Variants in TMEM204 observed in about 807,000 individuals in gnomAD.
TMEM204 encodes claudin-like protein 24.
Under a neutral mutation model 19.4 loss-of-function variants are expected in TMEM204, and 15 were observed. The observed-to-expected ratio is 0.77, with a 90% CI of 0.52 to 1.19. The LOEUF (loss-of-function observed/expected upper bound fraction) is 1.19. Ranked by LOEUF, TMEM204 falls within the 50% of genes most tolerant of loss-of-function variation. The pLI, the probability that TMEM204 is intolerant of heterozygous loss-of-function variation, is 0.00. For missense variants in TMEM204, 287 were observed against 321.2 expected (o/e 0.89, Z 0.81); for synonymous variants, 161 against 146.0 (o/e 1.10, Z -0.74).
At position 1,541,931 on chromosome 16, in the gene TMEM204, C is replaced by T; in HGVS notation, c.291C>T (p.Asp97=). The change falls in exon 2 of 3, where the codon GAC becomes GAT. Residue 97 remains aspartate (D), a synonymous_variant. Coordinates refer to ENST00000566264, the MANE Select transcript of TMEM204 (RefSeq NM_024600.6). ...GCTCTTGGCCCACAGTGCAGTTCGA[C>T]ATGATGCGCGCCTGCAACCTGGTGG... The part of the protein sequence containing the change: ...ESRGTVKLQF[D]MMRACNLVAT... 1 of 1,603,366 alleles carries T rather than the reference C, an allele frequency of 6.2e-7. No homozygotes were observed. Among genetic ancestry groups the T allele is most frequent in the East Asian group, 2.2e-5 (1 of 44,712 alleles).
Position 1,551,202 on chromosome 16 carries a change from G to A in TMEM204, c.437-3580G>A, listed in dbSNP as rs2032605013. On this transcript the variant is annotated intron_variant, in intron 2 of 2. Coordinates refer to ENST00000566264, the MANE Select transcript of TMEM204 (RefSeq NM_024600.6). The surrounding 1 kb of genome is among the most constrained non-coding windows in gnomAD (Gnocchi z 4.0). ...GAAGCTGTGGTCAATGGTGGGGCAA[G>A]TTCTGGCCCCGGGGAGCCTGCCCTG... is the stretch of plus-strand genomic sequence containing the variant. 6.6e-6 allele frequency among the ~76,000 whole-genome samples: 1 copy of A among 152,268 alleles called. No individual in the cohort carries two copies. Among genetic ancestry groups the A allele is most frequent in the Non-Finnish European group, 1.5e-5 (1 of 68,050 alleles).
chr16:1,554,763 A>G lies in TMEM204; in HGVS notation c.437-19A>G. ...CCTTCCTCTCAGACAAGGCCTCTCA[A>G]CCCTTCTCTCATCTGCAGGTTTTGT... is the stretch of plus-strand genomic sequence containing the variant. On this transcript the variant is annotated intron_variant, in intron 2 of 2. Coordinates refer to ENST00000566264, the MANE Select transcript of TMEM204 (RefSeq NM_024600.6). 6.2e-7 allele frequency: 1 copy of G among 1,613,056 alleles called. No homozygotes were observed. The highest frequency in any genetic ancestry group is 8.5e-7 in the Non-Finnish European group (1 of 1,179,262).
chr16:1,538,424 C>A (rs1465629772), intron 1 of TMEM204, among the ~76,000 whole-genome samples: 1 of 152,226 alleles, frequency 6.6e-6, no homozygotes, highest in Admixed American at 6.5e-5. Context: ...ACCACAACTA[C>A]ACGTGCAGCT....
chr16:1,541,558 G>A (rs2031637030), intron 1 of TMEM204: 1 of 959,868 alleles, frequency 1.0e-6, no homozygotes, highest in African/African-American at 1.8e-5. Context: ...TTGCTGGTGG[G>A]CTTCCCCTTC....
In TMEM204 at chr16:1,540,947, C is replaced by T. The variant is rs960386822; in HGVS notation, c.281-974C>T. The T allele has an allele frequency of 1.5e-5, 15 of 985,318 alleles. No homozygotes were observed. The African/African-American group carries it at 2.3e-4, about 15-fold the overall frequency. 61.0% of individuals were successfully genotyped at this position (985,318 alleles called of 1,614,324 possible). A position where few individuals can be genotyped will look rare whatever the true frequency, so the allele number is the denominator to read the frequency against. Reference sequence around the variant, plus strand: ...CACACATTGTCTGCTCTGCAGCGTGCAGGGGCCTGGGAACACACTGCTTCA... The same window carrying T: ...CACACATTGTCTGCTCTGCAGCGTGTAGGGGCCTGGGAACACACTGCTTCA... On this transcript the variant is annotated intron_variant, in intron 1 of 2. Coordinates refer to ENST00000566264, the MANE Select transcript of TMEM204 (RefSeq NM_024600.6).
At chr16:1,530,133 C>CTTTT (rs922819138), upstream of TMEM204, among the ~76,000 whole-genome samples, 33 of 88,578 alleles carry the variant, frequency 3.7e-4, no homozygotes, top group East Asian at 1.0e-3. Context: ...CGACGGGAAT[C>CTTTT]TTTTTTTTTT....
At chr16:1,552,013 A>AC (rs914732486) in intron 2 of TMEM204, among the ~76,000 whole-genome samples, 1 of 151,746 alleles carries the variant, frequency 6.6e-6, no homozygotes, top group African/African-American at 2.4e-5. Flanking sequence ...GTGGAAACTG[A>AC]CCCCCACGGC....
chr16:1,533,522 T>TA (rs1275096417), upstream of TMEM204: 1 of 152,268 alleles, frequency 6.6e-6, no homozygotes, highest in Admixed American at 6.5e-5. This position sits in a 1 kb window ranked among gnomAD's most constrained non-coding sequence, Gnocchi z 4.7. Context: ...CGGCAGGAGG[T>TA]GGGCCTGGAG....
chr16:1,531,586 C>T (rs776572027), upstream of TMEM204: 1 of 152,274 alleles, frequency 6.6e-6, no homozygotes, highest in East Asian at 1.9e-4. The surrounding 1 kb of genome is among the most constrained non-coding windows in gnomAD (Gnocchi z 4.7). Context: ...GCTGCGAGTC[C>T]CCTTACTGGG....
intron 2 of TMEM204, among the ~76,000 whole-genome samples, chr16:1,550,367 G>A (rs1173658878): frequency 1.3e-5 from 2 of 152,184 alleles, no homozygotes; most frequent in East Asian, 1.9e-4. Context: ...TAGAATGGTC[G>A]ACCCATTCTA....
intron 1 of TMEM204, among the ~76,000 whole-genome samples, chr16:1,537,066 T>C (rs12923143): frequency 0.013 from 2,032 of 152,330 alleles, 19 homozygotes; most frequent in Non-Finnish European, 0.022. Context: ...CCTTGGCCAG[T>C]GTTCCTTGTA....
In TMEM204 at chr16:1,534,111, G is replaced by A. The variant is rs1374626066; in HGVS notation, c.-165G>A. Reference sequence around the variant, plus strand: ...GCAGGAAGGAGGATAAGGCCGGGCCGAGAGGCGGCACACCTGGACCATCCC... The same window carrying A: ...GCAGGAAGGAGGATAAGGCCGGGCCAAGAGGCGGCACACCTGGACCATCCC... On this transcript the variant is annotated 5_prime_UTR_variant, in exon 1 of 3. Transcript: ENST00000566264. The A allele has an allele frequency of 1.7e-5, 14 of 815,538 alleles. No homozygotes were observed. The highest frequency in any genetic ancestry group is 3.0e-5 in the East Asian group (1 of 33,768). 50.5% of individuals were successfully genotyped at this position (815,538 alleles called of 1,614,324 possible).
intron 2 of TMEM204, among the ~76,000 whole-genome samples, chr16:1,544,883 T>C (rs377188069): frequency 2.0e-3 from 305 of 149,260 alleles, no homozygotes; most frequent in Non-Finnish European, 3.1e-3. Flanking sequence ...CTCCTGACCT[T>C]GTGATCCGCC....
chr16:1,541,333 C>T (rs2031615229), intron 1 of TMEM204: 3 of 985,150 alleles, frequency 3.0e-6, no homozygotes, highest in South Asian at 4.7e-5. Context: ...CCCTGCTCAG[C>T]CCCTTGCTGG....
upstream of TMEM204, chr16:1,532,177 G>A (rs955633477): frequency 6.6e-6 from 1 of 152,278 alleles, no homozygotes; most frequent in Admixed American, 6.5e-5. Context: ...GGAGAGTGGG[G>A]GCCGGCAGCA....
At chr16:1,537,598 T>C (rs2031201738) in intron 1 of TMEM204, among the ~76,000 whole-genome samples, 1 of 152,212 alleles carries the variant, frequency 6.6e-6, no homozygotes, top group African/African-American at 2.4e-5. Flanking sequence ...GCTCTTTCCC[T>C]GTGAGGAGCT....
rs187738639 is a variant in TMEM204 at position 1,548,270 on chromosome 16, G to A, written c.436+6194G>A. Among the ~76,000 whole-genome samples the A allele has an allele frequency of 3.2e-3, 481 of 152,346 alleles. 3 individuals are homozygous for A. Among genetic ancestry groups the A allele is most frequent in the Non-Finnish European group, 4.9e-3 (334 of 68,030 alleles). ...CAGTTTGCTAGCTCTGCAGCTGTAC[G>A]AAGAGCATCAGGGGTCAGCCCTGGG... On this transcript the variant is annotated intron_variant, in intron 2 of 2. Coordinates refer to ENST00000566264, the MANE Select transcript of TMEM204 (RefSeq NM_024600.6).
intron 1 of TMEM204, among the ~76,000 whole-genome samples, chr16:1,537,006 A>G (rs2031140388): frequency 6.6e-6 from 1 of 152,212 alleles, no homozygotes; most frequent in African/African-American, 2.4e-5. Context: ...CAGCAGCTCT[A>G]GCCTGGCCAC....
At chr16:1,534,632 T>C (rs1360747120) in intron 1 of TMEM204, 77 bp downstream of exon 1, 12 of 1,583,244 alleles carry the variant, frequency 7.6e-6, no homozygotes, top group Non-Finnish European at 9.4e-6. Context: ...GGCGCGGACC[T>C]GGTGAGCGGG....
Sources: allele counts gnomAD v4.1 joint callset (sites outside exome capture counted in the v4.1 genomes callset), GRCh38; gene constraint gnomAD v4.1.1; non-coding constraint Gnocchi (gnomAD v3.1); transcripts MANE v1.5; gene names NCBI Gene and HGNC (gene_info 2026-07-23, HGNC 2026-07-21).